Variants in CAP1 observed in about 807,000 individuals in gnomAD.
CAP1 encodes the protein adenylyl cyclase-associated protein 1.
In CAP1, 11 loss-of-function variants were observed where a neutral mutation model predicts 58.2. The ratio of observed to expected loss-of-function variants is 0.19; its 90% CI spans 0.12 to 0.31. The LOEUF (loss-of-function observed/expected upper bound fraction) is 0.31, where lower values mean the gene tolerates loss of function less well. Ranked by LOEUF, CAP1 falls within the 10% of genes least tolerant of loss-of-function variation. The probability of loss-of-function intolerance (pLI) is 1.00; values close to 1 mark genes in which losing one functional copy is unlikely to be tolerated. For synonymous variants in CAP1, 183 were observed against 213.8 expected, an observed-to-expected ratio of 0.86 and a Z score of 1.26; for missense variants, 423 against 587.5, an observed-to-expected ratio of 0.72 and a Z score of 2.89.
chr1:40,052,342 C>T (rs777587499), intron 1 of CAP1, among the ~76,000 whole-genome samples: 2 of 152,196 alleles, frequency 1.3e-5, no homozygotes, highest in African/African-American at 4.8e-5. Context: ...ACTCAGGCCT[C>T]AGTCTTCTAA....
chr1:40,054,320 A>C (rs1365065186), intron 1 of CAP1, among the ~76,000 whole-genome samples: 2 of 151,706 alleles, frequency 1.3e-5, no homozygotes, highest in African/African-American at 4.8e-5. Flanking sequence ...CCTCCCAAGT[A>C]GCTGGGACTA....
At chr1:40,049,718 C>G (rs768505917) in intron 1 of CAP1, among the ~76,000 whole-genome samples, 1 of 152,128 alleles carries the variant, frequency 6.6e-6, no homozygotes, top group African/African-American at 2.4e-5. Flanking sequence ...CACTTAGAAG[C>G]TTTGTCTTCT....
At chr1:40,054,039 C>G (rs905021969) in intron 1 of CAP1, among the ~76,000 whole-genome samples, 4 of 151,982 alleles carry the variant, frequency 2.6e-5, no homozygotes, top group African/African-American at 9.7e-5. Context: ...TAAGGTCCTG[C>G]AAAAGCAGAT....
Position 40,071,888 on chromosome 1 carries a change from C to T in CAP1, c.*355C>T, listed in dbSNP as rs1648109930. ...GAAAGAAAACAGTCCCTGGAATTAACAGATCAGAATGTTCACACTGGTTAA... is the reference window on the plus strand; with the variant it reads ...GAAAGAAAACAGTCCCTGGAATTAATAGATCAGAATGTTCACACTGGTTAA... On this transcript the variant is annotated 3_prime_UTR_variant, in exon 13 of 13. Coordinates refer to ENST00000372805, the MANE Select transcript of CAP1 (RefSeq NM_006367.4). 2.3e-6 allele frequency: 1 copy of T among 438,366 alleles called. No homozygotes were observed. Among genetic ancestry groups the T allele is most frequent in the Non-Finnish European group, 4.0e-6 (1 of 247,544 alleles). 27.2% of individuals were successfully genotyped at this position (438,366 alleles called of 1,614,324 possible).
At chr1:40,066,180 A>G (rs759447207) in intron 6 of CAP1, 35 bp from the exon 7 acceptor site, 2 of 1,153,662 alleles carry the variant, frequency 1.7e-6, no homozygotes, top group Non-Finnish European at 2.6e-6. Flanking sequence ...ATGTACCCGG[A>G]TCACCTGTGA....
chr1:40,041,345 T>C (rs999476234), intron 1 of CAP1: 1 of 152,198 alleles, frequency 6.6e-6, no homozygotes, highest in Non-Finnish European at 1.5e-5. Context: ...GTGGAACTTT[T>C]TTTTTTCTCT....
chr1:40,060,229 C>T, intron 3 of CAP1, 59 bp downstream of exon 3: 1 of 1,274,114 alleles, frequency 7.8e-7, no homozygotes, highest in Non-Finnish European at 1.1e-6. Flanking sequence ...CTTCAGTCAG[C>T]CAAGGTCCTC....
intron 7 of CAP1, 95 bp from the exon 8 acceptor site, chr1:40,067,445 G>A: frequency 9.2e-7 from 1 of 1,082,022 alleles, no homozygotes; most frequent in South Asian, 1.6e-5. Context: ...GCTGTGGTGG[G>A]GACCCCATGT....
At position 40,067,374 on chromosome 1, in the gene CAP1, G is replaced by A. The variant is rs912732024; in HGVS notation, c.631-166G>A. 1.3e-4 allele frequency: 66 copies of A among 518,818 alleles called. No homozygotes were observed. The Middle Eastern group carries it at 1.5e-3, about 12-fold the overall frequency. The allele number at this position is 518,818 out of a possible 1,614,324, so 32.1% of individuals were successfully genotyped here. ...AACTGAGAGCTGGATCCTTGGGAAA[G>A]GGTGAGAAGGCATAAAGCCAAGTTG... is the stretch of plus-strand genomic sequence containing the variant. On this transcript the variant is annotated intron_variant, in intron 7 of 12. Coordinates refer to ENST00000372805, the MANE Select transcript of CAP1 (RefSeq NM_006367.4).
intron 12 of CAP1, 44 bp downstream of exon 12, chr1:40,071,023 G>T: frequency 6.5e-7 from 1 of 1,545,992 alleles, no homozygotes; most frequent in South Asian, 1.2e-5. Context: ...AAACAGAAGG[G>T]ACTGAAGATT....
intron 6 of CAP1, among the ~76,000 whole-genome samples, chr1:40,064,893 A>G (rs1289743823): frequency 6.6e-6 from 1 of 152,182 alleles, no homozygotes. Context: ...GGTAAAGGAT[A>G]AACCCATTTG....
rs201066017 is a variant in CAP1, at chr1:40,061,754, G to T, written c.236G>T (p.Gly79Val). 1.2e-6 allele frequency: 2 copies of T among 1,614,096 alleles called. No individual in the cohort carries two copies. The highest frequency in any genetic ancestry group is 1.3e-5 in the African/African-American group (1 of 75,036). Reference protein sequence around the residue: ...VQKHAEMVHTGLKLERALLVT... With the variant: ...VQKHAEMVHTVLKLERALLVT... ...TGGCAGGCGGAGATGGTCCACACAG[G>T]TTTGAAGTTGGAGCGAGCTCTGTTG... Residue 79 changes from glycine to valine, a missense_variant, in exon 4 of 13, where the codon GGT becomes GTT. Gly to Val is a moderately radical substitution (Grantham distance 109). Coordinates refer to ENST00000372805, the MANE Select transcript of CAP1 (RefSeq NM_006367.4).
intron 1 of CAP1, among the ~76,000 whole-genome samples, chr1:40,053,386 A>T (rs1367994597): frequency 2.0e-5 from 3 of 152,186 alleles, no homozygotes; most frequent in Admixed American, 6.5e-5. Flanking sequence ...GAAGAGCTGC[A>T]GAGTAGGATT....
chr1:40,062,572 A>C (rs536067792), intron 4 of CAP1, among the ~76,000 whole-genome samples: 109 of 152,290 alleles, frequency 7.2e-4, no homozygotes, highest in African/African-American at 2.6e-3. Flanking sequence ...CAACATAGCA[A>C]GACCTCGTCT....
At position 40,067,568 on chromosome 1, in the gene CAP1, T is replaced by C. The variant is rs531815203; in HGVS notation, c.659T>C (p.Leu220Pro). ...CCTGTGGCAAAAGAACTGAGCGGAC[T>C]GCCATCTGGACCCTCTGCCGGATCA... ...TGPVAKELSGLPSGPSAGSCP... is the reference protein window; with the variant it reads ...TGPVAKELSGPPSGPSAGSCP... Residue 220 changes from leucine (L) to proline (P), a missense_variant, in exon 8 of 13, where the codon CTG becomes CCG. By Grantham distance (98) the Leu-to-Pro change is moderately conservative. Transcript: ENST00000372805. 6.2e-7 allele frequency: 1 copy of C among 1,610,392 alleles called. No homozygotes were observed. The highest frequency in any genetic ancestry group is 1.7e-5 in the Admixed American group (1 of 59,354).
In CAP1 at chr1:40,064,352, C is replaced by T. The variant is rs752435566; in HGVS notation, c.420C>T (p.Ala140=). Residue 140 remains alanine, a synonymous_variant, in exon 5 of 13, where the codon GCC becomes GCT. Transcript: ENST00000372805. ...CAGCTGTCAGCGAAAGTATCCAGGC[C>T]CTGGGCTGGGTGGCTATGGTGAGCA... The part of the protein sequence containing the change: ...HLSAVSESIQ[A]LGWVAMAPKP... 2 of 1,613,944 alleles carry T rather than the reference C, an allele frequency of 1.2e-6. No homozygotes were observed. Among genetic ancestry groups the T allele is most frequent in the Non-Finnish European group, 1.7e-6 (2 of 1,180,014 alleles).
At chr1:40,046,827 C>T (rs1202278527) in intron 1 of CAP1, among the ~76,000 whole-genome samples, 1 of 149,516 alleles carries the variant, frequency 6.7e-6, no homozygotes, top group Non-Finnish European at 1.5e-5. Flanking sequence ...GGCTGGAGTG[C>T]AGTGGCACGA....
intron 1 of CAP1, among the ~76,000 whole-genome samples, chr1:40,048,048 A>G (rs1570347772): frequency 6.7e-6 from 1 of 149,880 alleles, no homozygotes; most frequent in Non-Finnish European, 1.5e-5. Context: ...TTTAGATGGC[A>G]TCTTTTTTTT....
intron 1 of CAP1, among the ~76,000 whole-genome samples, chr1:40,050,890 C>G (rs1040255512): frequency 2.0e-5 from 3 of 152,176 alleles, no homozygotes; most frequent in African/African-American, 7.2e-5. Context: ...TAAATTTTCC[C>G]TGGCTTTCAG....
Sources: gnomAD v4.1 joint callset for allele counts (sites outside exome capture counted in the v4.1 genomes callset) on GRCh38, gnomAD v4.1.1 for gene constraint, MANE v1.5 for transcripts, NCBI Gene and HGNC (gene_info 2026-07-23, HGNC 2026-07-21) for gene names.